Variants in ZNF385D observed in about 807,000 individuals in gnomAD.
ZNF385D encodes zinc finger protein 385D.
Under a neutral mutation model 35.8 loss-of-function variants are expected in ZNF385D, and 15 were observed. The observed-to-expected ratio is 0.42, with a 90% confidence interval of 0.28 to 0.64. The LOEUF is 0.64. ZNF385D is among the 30% of genes least tolerant of loss of function. ZNF385D has a pLI of 0.23. For missense variants in ZNF385D, 474 were observed against 494.6 expected (o/e 0.96, Z 0.39); for synonymous variants, 212 against 186.8 (o/e 1.13, Z -1.10).
At chr3:21,854,549 G>C (rs1696599663) in intron 3 of ZNF385D, among the ~76,000 whole-genome samples, 2 of 151,850 alleles carry the variant, frequency 1.3e-5, no homozygotes, top group Non-Finnish European at 2.9e-5. Flanking sequence ...AAGGGACCAG[G>C]CATTTTATTT....
At chr3:21,493,829 T>G (rs1705615088) in intron 4 of ZNF385D, among the ~76,000 whole-genome samples, 1 of 152,148 alleles carries the variant, frequency 6.6e-6, no homozygotes, top group Non-Finnish European at 1.5e-5. Context: ...ATTAAAGCAC[T>G]TTTCCAAAGC....
chr3:21,460,787 A>C, intron 4 of ZNF385D, among the ~76,000 whole-genome samples: 1 of 152,186 alleles, frequency 6.6e-6, no homozygotes, highest in East Asian at 1.9e-4. Flanking sequence ...ATAATGTAGA[A>C]CTTTCTACAG....
chr3:22,156,532 A>G (rs1705593896), intron 3 of ZNF385D, among the ~76,000 whole-genome samples: 1 of 152,114 alleles, frequency 6.6e-6, no homozygotes, highest in African/African-American at 2.4e-5. Flanking sequence ...TTCCTAAAAC[A>G]TCGCTGAAAA....
At chr3:21,517,532 A>G (rs1270242488) in intron 3 of ZNF385D, among the ~76,000 whole-genome samples, 1 of 152,146 alleles carries the variant, frequency 6.6e-6, no homozygotes, top group African/African-American at 2.4e-5. Flanking sequence ...ATACATTGGC[A>G]TAATTGTTGG....
At chr3:21,525,171 A>G (rs1708148093) in intron 3 of ZNF385D, among the ~76,000 whole-genome samples, 1 of 152,226 alleles carries the variant, frequency 6.6e-6, no homozygotes, top group Non-Finnish European at 1.5e-5. Context: ...GTAGGGAAAC[A>G]AACAAAAAGC....
At chr3:21,456,286 T>G (rs974623518) in intron 4 of ZNF385D, among the ~76,000 whole-genome samples, 6 of 152,160 alleles carry the variant, frequency 3.9e-5, no homozygotes, top group Admixed American at 1.3e-4. Context: ...CACACGCACA[T>G]GTATGTTTAT....
At chr3:21,568,066 C>A (rs966721079) in intron 2 of ZNF385D, among the ~76,000 whole-genome samples, 28 of 151,708 alleles carry the variant, frequency 1.8e-4, no homozygotes, top group African/African-American at 6.6e-4. Flanking sequence ...TAAAAAAAAA[C>A]TTAACTGAAT....
intron 1 of ZNF385D, among the ~76,000 whole-genome samples, chr3:21,717,356 T>A (rs2068364140): frequency 6.6e-6 from 1 of 152,156 alleles, no homozygotes; most frequent in African/African-American, 2.4e-5. Context: ...TCTCTTAAAT[T>A]TTCAAACTTA....
At chr3:22,096,015 G>A (rs182083318) in intron 3 of ZNF385D, among the ~76,000 whole-genome samples, 1 of 151,904 alleles carries the variant, frequency 6.6e-6, no homozygotes, top group Admixed American at 6.6e-5. Flanking sequence ...GAGATTGGAG[G>A]TTACTTTTGA....
At chr3:22,122,610 AATAAG>A (rs1489561947) in intron 3 of ZNF385D, among the ~76,000 whole-genome samples, 1 of 152,170 alleles carries the variant, frequency 6.6e-6, no homozygotes, top group Non-Finnish European at 1.5e-5. Flanking sequence ...AAGAGAAAAA[AATAAG>A]ATAATAAGTG....
At chr3:21,451,079 T>C (rs2125279187) in intron 4 of ZNF385D, among the ~76,000 whole-genome samples, 1 of 152,224 alleles carries the variant, frequency 6.6e-6, no homozygotes, top group East Asian at 1.9e-4. Flanking sequence ...CCTTTTAAGT[T>C]ACAGATTTAT....
chr3:22,050,854 T>A (rs1332872168), intron 3 of ZNF385D, among the ~76,000 whole-genome samples: 1 of 152,176 alleles, frequency 6.6e-6, no homozygotes, highest in Non-Finnish European at 1.5e-5. Flanking sequence ...TTTCTGACCC[T>A]TAAAAATTCA....
intron 3 of ZNF385D, among the ~76,000 whole-genome samples, chr3:21,848,400 A>G (rs7640914): frequency 0.038 from 5,812 of 152,002 alleles, 385 homozygotes; most frequent in African/African-American, 0.13. Flanking sequence ...AGGAAATAAT[A>G]AAGATTAGAA....
At chr3:21,804,435 T>G (rs1375551947) in intron 3 of ZNF385D, among the ~76,000 whole-genome samples, 1 of 152,090 alleles carries the variant, frequency 6.6e-6, no homozygotes, top group Non-Finnish European at 1.5e-5. Context: ...ATTGAGTAAA[T>G]ATCACAAGGA....
chr3:21,775,595 G>A (rs62236246), intron 3 of ZNF385D, among the ~76,000 whole-genome samples: 6,525 of 151,660 alleles, frequency 0.043, 203 homozygotes, highest in African/African-American at 0.085. Context: ...TTTCAAAATC[G>A]AAGTCTTCCG....
chr3:21,495,769 T>C (rs1221396107), intron 4 of ZNF385D, among the ~76,000 whole-genome samples: 2 of 152,012 alleles, frequency 1.3e-5, no homozygotes, highest in Non-Finnish European at 2.9e-5. Flanking sequence ...GAGTTGGCTT[T>C]TTGAAAGAAT....
intron 3 of ZNF385D, among the ~76,000 whole-genome samples, chr3:22,163,167 A>T (rs1044426965): frequency 2.0e-5 from 3 of 152,114 alleles, no homozygotes; most frequent in African/African-American, 7.2e-5. Context: ...AGTTCCCATG[A>T]GCTGAAGGCA....
At chr3:21,566,319 A>ACTT (rs1279913861) in intron 2 of ZNF385D, among the ~76,000 whole-genome samples, 1 of 152,066 alleles carries the variant, frequency 6.6e-6, no homozygotes, top group Non-Finnish European at 1.5e-5. Context: ...TTTTCTGGTC[A>ACTT]CTTTTAGGTA....
chr3:22,262,173 G>A (rs1362518672), intron 2 of ZNF385D, among the ~76,000 whole-genome samples: 1 of 151,832 alleles, frequency 6.6e-6, no homozygotes, highest in Non-Finnish European at 1.5e-5. Context: ...ACTAAAGACA[G>A]AGTAGAAAAC....
Sources: gnomAD v4.1 joint callset for allele counts (sites outside exome capture counted in the v4.1 genomes callset) on GRCh38, gnomAD v4.1.1 for gene constraint, MANE v1.5 for transcripts, NCBI Gene and HGNC (gene_info 2026-07-23, HGNC 2026-07-21) for gene names.